The following NOVA1 variants were observed in gnomAD, a reference collection of about 807,000 sequenced individuals.
The protein encoded by NOVA1 is RNA-binding protein Nova-1.
A neutral mutation model predicts 38.0 loss-of-function variants in NOVA1; 7 were observed. The observed-to-expected ratio is 0.18, with a 90% confidence interval of 0.10 to 0.35. The LOEUF is 0.35. NOVA1 is among the 10% of genes least tolerant of loss of function. NOVA1 has a pLI of 1.00. For missense variants in NOVA1, 460 were observed against 616.0 expected, an observed-to-expected ratio of 0.75 and a Z score of 2.68; for synonymous variants, 270 against 232.5, an observed-to-expected ratio of 1.16 and a Z score of -1.47.
intron 2 of NOVA1, among the ~76,000 whole-genome samples, chr14:26,558,968 C>A (rs550055847): frequency 6.6e-6 from 1 of 152,084 alleles, no homozygotes; most frequent in African/African-American, 2.4e-5. Flanking sequence ...TCCTTGCCTA[C>A]ATATCATGCA....
intron 2 of NOVA1, chr14:26,592,775 T>C (rs1188347171): frequency 6.6e-6 from 1 of 151,760 alleles, no homozygotes; most frequent in African/African-American, 2.4e-5. Flanking sequence ...ATATTGGCTA[T>C]AATTTCTTTA....
At chr14:26,482,134 T>A (rs948173964) in intron 2 of NOVA1, among the ~76,000 whole-genome samples, 3 of 151,646 alleles carry the variant, frequency 2.0e-5, no homozygotes, top group African/African-American at 4.9e-5. Flanking sequence ...GACTAACAGA[T>A]AGTGAGTGGA....
At chr14:26,554,205 G>GAGGC (rs974464785) in intron 2 of NOVA1, among the ~76,000 whole-genome samples, 15 of 141,300 alleles carry the variant, frequency 1.1e-4, no homozygotes, top group Non-Finnish European at 2.2e-4. Flanking sequence ...GGGAGGGAGG[G>GAGGC]AGGGAGGGAG....
At chr14:26,587,715 T>C (rs1308792270) in intron 2 of NOVA1, among the ~76,000 whole-genome samples, 1 of 151,220 alleles carries the variant, frequency 6.6e-6, no homozygotes, top group Admixed American at 6.6e-5. Context: ...CAAGAATTAA[T>C]ATGACCAAAA....
intron 2 of NOVA1, among the ~76,000 whole-genome samples, chr14:26,558,190 G>A (rs1254481525): frequency 2.6e-5 from 4 of 151,692 alleles, no homozygotes; most frequent in African/African-American, 9.7e-5. Context: ...ATATATATAT[G>A]AAAACATATA....
Position 26,533,755 on chromosome 14 carries a change from G to GA in NOVA1, c.281-53613dup, listed in dbSNP as rs1331461481. On this transcript the variant is annotated intron_variant, in intron 2 of 4. Transcript: ENST00000539517. ...TGCTTCCTGAGATTAAGAATCCTAG[G>GA]AAATTCTTATCTTTGCATGCACAGC... 3.3e-5 allele frequency among the ~76,000 whole-genome samples: 5 copies of GA among 152,078 alleles called. No homozygotes were observed. The East Asian group carries it at 7.7e-4, about 23-fold the overall frequency.
intron 2 of NOVA1, among the ~76,000 whole-genome samples, chr14:26,547,123 T>C (rs1465341472): frequency 2.6e-5 from 4 of 152,134 alleles, no homozygotes; most frequent in African/African-American, 9.7e-5. Flanking sequence ...GGATGAAAAA[T>C]AAGTATTTCC....
At chr14:26,562,328 C>T (rs545314653) in intron 2 of NOVA1, among the ~76,000 whole-genome samples, 23 of 152,156 alleles carry the variant, frequency 1.5e-4, no homozygotes, top group African/African-American at 2.6e-4. Flanking sequence ...CAGTAGTATG[C>T]GTTTAATGGG....
intron 2 of NOVA1, among the ~76,000 whole-genome samples, chr14:26,543,994 G>C (rs1890633562): frequency 6.6e-6 from 1 of 151,962 alleles, no homozygotes; most frequent in Non-Finnish European, 1.5e-5. Flanking sequence ...CTATGATCTA[G>C]AATATAGGGC....
intron 2 of NOVA1, among the ~76,000 whole-genome samples, chr14:26,549,014 GC>G (rs983172444): frequency 6.5e-4 from 99 of 152,180 alleles, no homozygotes; most frequent in African/African-American, 2.3e-3. Context: ...CCAGCTTCCA[GC>G]TACTTTGATA....
intron 2 of NOVA1, among the ~76,000 whole-genome samples, chr14:26,581,223 G>T (rs532011184): frequency 6.6e-6 from 1 of 152,072 alleles, no homozygotes; most frequent in African/African-American, 2.4e-5. Context: ...GAGGCGTTAA[G>T]AAGTACTGAA....
chr14:26,486,590 T>C (rs559099420), intron 2 of NOVA1, among the ~76,000 whole-genome samples: 37 of 147,246 alleles, frequency 2.5e-4, no homozygotes, highest in African/African-American at 9.0e-4. Flanking sequence ...GCACCTGTAG[T>C]CCTAGCTACT....
intron 2 of NOVA1, among the ~76,000 whole-genome samples, chr14:26,523,167 A>G (rs1889027959): frequency 6.6e-6 from 1 of 152,208 alleles, no homozygotes; most frequent in Non-Finnish European, 1.5e-5. Context: ...TGGCCAACAA[A>G]TTAGTTACTC....
At chr14:26,583,211 T>G (rs1893325044) in intron 2 of NOVA1, among the ~76,000 whole-genome samples, 1 of 151,714 alleles carries the variant, frequency 6.6e-6, no homozygotes, top group Non-Finnish European at 1.5e-5. Context: ...TATGTTAAAT[T>G]CAAATAAATA....
intron 4 of NOVA1, among the ~76,000 whole-genome samples, chr14:26,471,593 A>T (rs1163227530): frequency 1.3e-5 from 2 of 151,942 alleles, no homozygotes; most frequent in African/African-American, 4.8e-5. Context: ...GCTCTGAATT[A>T]CACAAATATT....
At chr14:26,468,755 G>A in intron 4 of NOVA1, among the ~76,000 whole-genome samples, 2 of 152,062 alleles carry the variant, frequency 1.3e-5, no homozygotes, top group South Asian at 4.1e-4. Context: ...TACTATATAT[G>A]AGCTACCTAT....
intron 2 of NOVA1, among the ~76,000 whole-genome samples, chr14:26,546,196 A>G (rs1367937511): frequency 6.6e-6 from 1 of 152,084 alleles, no homozygotes; most frequent in Non-Finnish European, 1.5e-5. Context: ...TATATTTTGG[A>G]TAATAAGAAA....
At chr14:26,579,947 A>T (rs1365658362) in intron 2 of NOVA1, among the ~76,000 whole-genome samples, 1 of 151,934 alleles carries the variant, frequency 6.6e-6, no homozygotes, top group Non-Finnish European at 1.5e-5. Context: ...ATTTTTAGAG[A>T]TGGGGTCTCA....
At position 26,597,955 on chromosome 14, in the gene NOVA1, G is replaced by GGCGGTCCCCGCGCC. The variant is rs1253661775; in HGVS notation, c.-533_-520dup. On this transcript the variant is annotated 5_prime_UTR_variant, in exon 1 of 5. Transcript: ENST00000539517. Reference sequence around the variant, plus strand: ...GAGGGCAGGAGCCGGGAAGGAGCGCGGCGGTCCCCGCGCCGCGCTAGCGTT... The same window carrying GGCGGTCCCCGCGCC: ...GAGGGCAGGAGCCGGGAAGGAGCGCGGCGGTCCCCGCGCCGCGGTCCCCGCGCCGCGCTAGCGTT... 1.3e-5 allele frequency among the ~76,000 whole-genome samples: 2 copies of GGCGGTCCCCGCGCC among 151,748 alleles called. No individual in the cohort carries two copies. The highest frequency in any genetic ancestry group is 3.9e-4 in the East Asian group (2 of 5,072).
Sources: gnomAD v4.1 joint callset for allele counts (sites outside exome capture counted in the v4.1 genomes callset) on GRCh38, gnomAD v4.1.1 for gene constraint, MANE v1.5 for transcripts, NCBI Gene and HGNC (gene_info 2026-07-23, HGNC 2026-07-21) for gene names.